Variants in ST3GAL3 observed in about 807,000 individuals in gnomAD.
ST3GAL3 encodes the protein CMP-N-acetylneuraminate-beta-1,4-galactoside alpha-2,3-sialyltransferase.
In ST3GAL3, 21 loss-of-function variants were observed where a neutral mutation model predicts 50.1. The ratio of observed to expected loss-of-function variants is 0.42; its 90% CI spans 0.30 to 0.60. The LOEUF (loss-of-function observed/expected upper bound fraction) is 0.60, where lower values mean the gene tolerates loss of function less well. Among genes scored for constraint, ST3GAL3 ranks in the 20% least tolerant of loss-of-function variants. The pLI is 0.19. For synonymous variants in ST3GAL3, 183 were observed against 190.0 expected, an observed-to-expected ratio of 0.96 and a Z score of 0.30; for missense variants, 353 against 489.4, an observed-to-expected ratio of 0.72 and a Z score of 2.63.
At position 43,736,390 on chromosome 1, in the gene ST3GAL3, G is replaced by C. The variant is rs147330005; in HGVS notation, c.118+10G>C. Reference sequence around the variant, plus strand: ...TGGGAGGAGGACTCCAGTAAGTATAGTCACTCTAGCTCACCCCAGGAGAAG... The same window carrying C: ...TGGGAGGAGGACTCCAGTAAGTATACTCACTCTAGCTCACCCCAGGAGAAG... On this transcript the variant is annotated intron_variant, in intron 2 of 11. Transcript: ENST00000347631. 2,584 of 1,614,146 alleles carry C rather than the reference G, an allele frequency of 1.6e-3. 5 individuals are homozygous for C. The highest frequency in any genetic ancestry group is 2.0e-3 in the Non-Finnish European group (2,369 of 1,180,012).
chr1:43,727,512 C>T (rs1387103195), intron 1 of ST3GAL3, among the ~76,000 whole-genome samples: 1 of 152,188 alleles, frequency 6.6e-6, no homozygotes, highest in Non-Finnish European at 1.5e-5. Flanking sequence ...GGAGGGGCAG[C>T]ATACCAGTAA....
chr1:43,906,578 T>C (rs901815354), intron 9 of ST3GAL3, among the ~76,000 whole-genome samples: 3 of 142,292 alleles, frequency 2.1e-5, no homozygotes, highest in Admixed American at 2.1e-4. Flanking sequence ...TTCCTCCTCC[T>C]CCTGTTCCTC....
chr1:43,856,046 C>G (rs1187912685), intron 5 of ST3GAL3, among the ~76,000 whole-genome samples: 1 of 152,226 alleles, frequency 6.6e-6, no homozygotes, highest in African/African-American at 2.4e-5. Flanking sequence ...CTGCGGTCAT[C>G]TGAAATACTG....
chr1:43,836,654 A>C (rs928652846), intron 4 of ST3GAL3, among the ~76,000 whole-genome samples: 1 of 152,248 alleles, frequency 6.6e-6, no homozygotes, highest in Non-Finnish European at 1.5e-5. Flanking sequence ...CAGCAGGCCC[A>C]AGGGTGGGGG....
chr1:43,880,599 C>T (rs767814548), intron 5 of ST3GAL3, among the ~76,000 whole-genome samples: 1 of 152,110 alleles, frequency 6.6e-6, no homozygotes, highest in Non-Finnish European at 1.5e-5. Context: ...CACTTCATCT[C>T]CAGCCTCCAT....
chr1:43,817,387 CT>C (rs1558433774), intron 4 of ST3GAL3, among the ~76,000 whole-genome samples: 6 of 58,016 alleles, frequency 1.0e-4, no homozygotes, highest in Non-Finnish European at 1.7e-4. Context: ...TCTCCTTCTT[CT>C]TCTCCTCCTT....
At chr1:43,874,296 A>G (rs1172149589) in intron 5 of ST3GAL3, among the ~76,000 whole-genome samples, 1 of 152,240 alleles carries the variant, frequency 6.6e-6, no homozygotes, top group Non-Finnish European at 1.5e-5. Context: ...CATGAAAGTA[A>G]TACGTGACCT....
intron 4 of ST3GAL3, chr1:43,831,751 A>G (rs551700847): frequency 5.3e-5 from 8 of 152,376 alleles, no homozygotes; most frequent in Admixed American, 2.6e-4. Flanking sequence ...TTTGTTGGTC[A>G]TGAACACACA....
chr1:43,845,197 G>A (rs1381054901), intron 5 of ST3GAL3, among the ~76,000 whole-genome samples: 1 of 152,092 alleles, frequency 6.6e-6, no homozygotes, highest in African/African-American at 2.4e-5. Context: ...TTGCCAGGCT[G>A]GTCTCGAACT....
In ST3GAL3 at chr1:43,877,005, A is replaced by T. The variant is rs1570466467; in HGVS notation, c.303-17378A>T. On this transcript the variant is annotated intron_variant, in intron 5 of 11. Transcript: ENST00000347631. ...TAGGAATACCAGCCTCTGCGTTTGTATGGGGGCTGGAATTCTTATTGTGGG... is the reference window on the plus strand; with the variant it reads ...TAGGAATACCAGCCTCTGCGTTTGTTTGGGGGCTGGAATTCTTATTGTGGG... Among the ~76,000 whole-genome samples, 5 of 152,256 alleles carry T rather than the reference A, an allele frequency of 3.3e-5. No homozygotes were observed. The South Asian group carries it at 1.0e-3, about 32-fold the overall frequency.
rs566932825 is a variant in ST3GAL3 at position 43,755,909 on chromosome 1, A to G, written c.118+19529A>G. On this transcript the variant is annotated intron_variant, in intron 2 of 11. Transcript: ENST00000347631. Reference sequence around the variant, plus strand: ...TAGGAGTTTGAGACCAGCCTGGGCAACATAGTGAGACACCCATCTCTACAA... The same window carrying G: ...TAGGAGTTTGAGACCAGCCTGGGCAGCATAGTGAGACACCCATCTCTACAA... Among the ~76,000 whole-genome samples, 9 of 152,178 alleles carry G rather than the reference A, an allele frequency of 5.9e-5. No homozygotes were observed. The South Asian group carries it at 1.9e-3, about 32-fold the overall frequency.
chr1:43,894,572 G>A (rs2077106567), intron 6 of ST3GAL3, 95 bp downstream of exon 6: 1 of 1,088,222 alleles, frequency 9.2e-7, no homozygotes, highest in Non-Finnish European at 1.4e-6. Flanking sequence ...TCCCCATGCT[G>A]AGAATCCACC....
At position 43,730,438 on chromosome 1, in the gene ST3GAL3, A is replaced by C. The variant is rs1476217526; in HGVS notation, c.-30-5795A>C. 2.0e-5 allele frequency among the ~76,000 whole-genome samples: 3 copies of C among 152,200 alleles called. No homozygotes were observed. In the East Asian group the frequency reaches 5.8e-4, roughly 29 times the overall value. On this transcript the variant is annotated intron_variant, in intron 1 of 11. Transcript: ENST00000347631. The stretch of plus-strand genomic sequence containing the variant: ...TAAGAGCCACTTGCCTTTTGTGCGC[A>C]GACTACTTACAACTTAAATTTTTAG...
intron 4 of ST3GAL3, among the ~76,000 whole-genome samples, chr1:43,816,921 C>A (rs991124074): frequency 3.9e-5 from 6 of 152,204 alleles, no homozygotes; most frequent in African/African-American, 7.2e-5. Context: ...TCTCCTGTCT[C>A]ACAGATACCT....
intron 1 of ST3GAL3, among the ~76,000 whole-genome samples, chr1:43,717,099 T>C (rs1667776578): frequency 6.6e-6 from 1 of 152,206 alleles, no homozygotes; most frequent in Non-Finnish European, 1.5e-5. Context: ...CCAGAGTCAG[T>C]TTAATTCAGG....
chr1:43,898,376 C>CGGAA lies in ST3GAL3; in HGVS notation c.461+78_461+79insGGAA, dbSNP rs2077702710. 3.4e-5 allele frequency: 50 copies of CGGAA among 1,476,320 alleles called. No homozygotes were observed. The East Asian group carries it at 1.1e-3, about 33-fold the overall frequency. 91.5% of individuals were successfully genotyped at this position (1,476,320 alleles called of 1,614,324 possible). ...AGGTGTTGAGGCCCAGCTGGCCTTC[C>CGGAA]CTGGACATGGGCAGTTTCTCCAGCA... On this transcript the variant is annotated intron_variant, in intron 7 of 11. Transcript: ENST00000347631.
intron 4 of ST3GAL3, among the ~76,000 whole-genome samples, chr1:43,836,547 C>T: frequency 6.6e-6 from 1 of 152,226 alleles, no homozygotes; most frequent in East Asian, 1.9e-4. Flanking sequence ...ACCACCACCC[C>T]ACACCCACCC....
intron 2 of ST3GAL3, among the ~76,000 whole-genome samples, chr1:43,790,655 T>C (rs1200996631): frequency 3.5e-5 from 5 of 144,692 alleles, no homozygotes; most frequent in Non-Finnish European, 6.0e-5. Context: ...TTTTTTGACA[T>C]GGAGTCTTGC....
intron 2 of ST3GAL3, among the ~76,000 whole-genome samples, chr1:43,783,539 A>T (rs1465951574): frequency 6.6e-6 from 1 of 152,080 alleles, no homozygotes; most frequent in African/African-American, 2.4e-5. Flanking sequence ...ACTTGGCAAT[A>T]TTGCCTTTTC....
Sources: gnomAD v4.1 joint callset for allele counts (sites outside exome capture counted in the v4.1 genomes callset) on GRCh38, gnomAD v4.1.1 for gene constraint, MANE v1.5 for transcripts, NCBI Gene and HGNC (gene_info 2026-07-23, HGNC 2026-07-21) for gene names.